GREB1L: variants seen among roughly 807,000 people sequenced by gnomAD.
The protein encoded by GREB1L is GREB1 like retinoic acid receptor coactivator.
In GREB1L, 17 loss-of-function variants were observed where a neutral mutation model predicts 200.8. That is an observed-to-expected ratio of 0.08 (90% CI 0.06 to 0.13). GREB1L has a LOEUF of 0.13. GREB1L is among the 10% of genes least tolerant of loss of function. The probability of loss-of-function intolerance (pLI) is 1.00; values close to 1 mark genes in which losing one functional copy is unlikely to be tolerated. For synonymous variants in GREB1L, 789 were observed against 893.0 expected (o/e 0.88, Z 2.08); for missense variants, 1,657 against 2,367.7 (o/e 0.70, Z 6.23).
chr18:21,327,861 T>C (rs1409442639), intron 1 of GREB1L, among the ~76,000 whole-genome samples: 2 of 151,962 alleles, frequency 1.3e-5, no homozygotes, highest in African/African-American at 2.4e-5. Context: ...TACAGGTGCC[T>C]ACCACCATGC....
At chr18:21,404,686 A>G (rs975664108) in intron 7 of GREB1L, among the ~76,000 whole-genome samples, 1 of 152,236 alleles carries the variant, frequency 6.6e-6, no homozygotes, top group African/African-American at 2.4e-5. Flanking sequence ...CAAGTGGCCA[A>G]AGGGCTGGAG....
intron 5 of GREB1L, among the ~76,000 whole-genome samples, chr18:21,395,980 G>A (rs1467114739): frequency 2.6e-5 from 4 of 151,164 alleles, no homozygotes; most frequent in African/African-American, 7.3e-5. Context: ...TGCCCACCTC[G>A]GACACCCAAA....
At chr18:21,392,423 G>A (rs761824708) in intron 4 of GREB1L, among the ~76,000 whole-genome samples, 2 of 151,922 alleles carry the variant, frequency 1.3e-5, no homozygotes, top group African/African-American at 4.8e-5. Flanking sequence ...TAATATGACC[G>A]ACATATTTAA....
At chr18:21,263,630 G>A (rs558007895) in intron 1 of GREB1L, among the ~76,000 whole-genome samples, 42 of 152,108 alleles carry the variant, frequency 2.8e-4, no homozygotes, top group Non-Finnish European at 5.4e-4. Flanking sequence ...TATGTAAATG[G>A]TAAATTTTCT....
chr18:21,381,419 A>G lies in GREB1L; in HGVS notation c.-9-2091A>G, dbSNP rs1166292364. On this transcript the variant is annotated intron_variant, in intron 2 of 32. Transcript: ENST00000424526. ...TGAGACTGCATCTCAAAAAAAGAAA[A>G]AAAAAAAAAAGATTATTGAGGACCC... Among the ~76,000 whole-genome samples the G allele has an allele frequency of 3.3e-5, 5 of 152,170 alleles. No homozygotes were observed. In the East Asian group the frequency reaches 5.8e-4, roughly 18 times the overall value.
At chr18:21,312,628 A>G (rs1423610856) in intron 1 of GREB1L, among the ~76,000 whole-genome samples, 1 of 151,880 alleles carries the variant, frequency 6.6e-6, no homozygotes, top group East Asian at 1.9e-4. Context: ...ATCTCGGCTC[A>G]CTGCAACCTC....
chr18:21,381,954 A>G (rs997742000), intron 2 of GREB1L, among the ~76,000 whole-genome samples: 3 of 152,250 alleles, frequency 2.0e-5, no homozygotes, highest in Non-Finnish European at 4.4e-5. Context: ...AATGACAGGA[A>G]GAGCTCTGTT....
intron 1 of GREB1L, among the ~76,000 whole-genome samples, chr18:21,323,822 C>A (rs561679903): frequency 1.3e-5 from 2 of 152,150 alleles, no homozygotes; most frequent in African/African-American, 4.8e-5. Context: ...AAGAGGTGCT[C>A]TCACACATTG....
intron 1 of GREB1L, among the ~76,000 whole-genome samples, chr18:21,297,122 G>A (rs1187439507): frequency 2.6e-5 from 4 of 152,164 alleles, no homozygotes; most frequent in Non-Finnish European, 2.9e-5. Context: ...AAAATGTCAG[G>A]CCCCATTCCC....
chr18:21,275,459 G>T (rs1236624787), intron 1 of GREB1L, among the ~76,000 whole-genome samples: 7 of 151,832 alleles, frequency 4.6e-5, no homozygotes, highest in Non-Finnish European at 8.8e-5. Context: ...TAAACAAAAA[G>T]CCTGGCCAAC....
intron 4 of GREB1L, among the ~76,000 whole-genome samples, chr18:21,385,724 T>TAAA: frequency 6.6e-6 from 1 of 152,204 alleles, no homozygotes; most frequent in Non-Finnish European, 1.5e-5. Flanking sequence ...GTCAACTCAT[T>TAAA]TATCAGGTAA....
At chr18:21,403,845 T>C in intron 6 of GREB1L, 27 bp from the exon 7 acceptor site, 1 of 1,544,440 alleles carries the variant, frequency 6.5e-7, no homozygotes, top group Non-Finnish European at 8.8e-7. Context: ...GGTCACTTCA[T>C]ACAATGTGAT....
At chr18:21,450,868 T>C (rs1043102146) in intron 12 of GREB1L, 155 bp from the exon 13 acceptor site, 6 of 611,792 alleles carry the variant, frequency 9.8e-6, no homozygotes, top group African/African-American at 5.5e-5. Context: ...TCAAATGCTA[T>C]ATAATTGTCC....
intron 15 of GREB1L, among the ~76,000 whole-genome samples, chr18:21,466,530 A>G (rs1255484762): frequency 6.6e-6 from 1 of 152,184 alleles, no homozygotes; most frequent in Non-Finnish European, 1.5e-5. Context: ...CAAAAAATAC[A>G]TAGGAATGAA....
At chr18:21,251,923 A>T (rs2037711842) in intron 1 of GREB1L, among the ~76,000 whole-genome samples, 1 of 140,154 alleles carries the variant, frequency 7.1e-6, no homozygotes. Flanking sequence ...CTAGCCTGGG[A>T]GGCAGAGTGA....
chr18:21,400,485 G>C (rs930733199), intron 5 of GREB1L, among the ~76,000 whole-genome samples: 2 of 152,256 alleles, frequency 1.3e-5, no homozygotes, highest in Admixed American at 6.5e-5. Flanking sequence ...TTGAACATCT[G>C]GCCTGTGCTC....
chr18:21,435,973 G>C (rs889788842), intron 7 of GREB1L, among the ~76,000 whole-genome samples: 1 of 152,136 alleles, frequency 6.6e-6, no homozygotes, highest in Non-Finnish European at 1.5e-5. Context: ...TTGCAGAAGA[G>C]AGGACAAATT....
At chr18:21,516,463 C>T in intron 29 of GREB1L, 150 bp from the exon 30 acceptor site, 1 of 678,678 alleles carries the variant, frequency 1.5e-6, no homozygotes, top group Non-Finnish European at 2.4e-6. Flanking sequence ...CAGAGTTTTT[C>T]CAGGTCAGTG....
At chr18:21,326,315 T>G (rs1166427655) in intron 1 of GREB1L, among the ~76,000 whole-genome samples, 2 of 152,198 alleles carry the variant, frequency 1.3e-5, no homozygotes, top group African/African-American at 2.4e-5. Context: ...GGATTAGGTT[T>G]GGCAATAAGT....
Sources: allele counts gnomAD v4.1 joint callset (sites outside exome capture counted in the v4.1 genomes callset), GRCh38; gene constraint gnomAD v4.1.1; transcripts MANE v1.5; gene names NCBI Gene and HGNC (gene_info 2026-07-23, HGNC 2026-07-21).